ARSG: variants seen among roughly 807,000 people sequenced by gnomAD.
ARSG encodes ASG.
A neutral mutation model predicts 50.5 loss-of-function variants in ARSG; 37 were observed. The ratio of observed to expected loss-of-function variants is 0.73; its 90% CI spans 0.56 to 0.96. ARSG has a LOEUF of 0.96. Among genes scored for constraint, ARSG ranks in the 50% least tolerant of loss-of-function variants. The pLI is 0.00. For synonymous variants in ARSG, 225 were observed against 254.6 expected (o/e 0.88, Z 1.11); for missense variants, 629 against 675.3 (o/e 0.93, Z 0.76).
chr17:68,444,567 T>A, the ARSG span: 1 of 1,613,952 alleles, frequency 6.2e-7, no homozygotes, highest in Non-Finnish European at 8.5e-7. Flanking sequence ...ATAAATGGAC[T>A]CTTCTAGGCA....
intron 5 of ARSG, among the ~76,000 whole-genome samples, chr17:68,355,935 G>A (rs1727895572): frequency 6.6e-6 from 1 of 151,784 alleles, no homozygotes; most frequent in Non-Finnish European, 1.5e-5. Context: ...AGGGTAGAGT[G>A]CAGTGGGATG....
At chr17:68,339,246 C>T (rs750201159) in intron 2 of ARSG, among the ~76,000 whole-genome samples, 6 of 151,848 alleles carry the variant, frequency 4.0e-5, no homozygotes, top group Middle Eastern at 3.4e-3. Context: ...TGCAGTGAGC[C>T]GAGATCGCAC....
intron 2 of ARSG, among the ~76,000 whole-genome samples, chr17:68,325,532 T>C (rs1555772092): frequency 6.6e-6 from 1 of 152,142 alleles, no homozygotes; most frequent in Non-Finnish European, 1.5e-5. Flanking sequence ...ATGAAACTGG[T>C]CCCTGGTACC....
intron 1 of ARSG, among the ~76,000 whole-genome samples, chr17:68,272,293 A>G (rs1292046509): frequency 2.0e-5 from 3 of 152,228 alleles, no homozygotes; most frequent in African/African-American, 7.2e-5. Flanking sequence ...GTTTATTAGC[A>G]TAATCTAAAT....
At position 68,393,867 on chromosome 17, in the gene ARSG, CA is replaced by C. The variant is rs762829963; in HGVS notation, c.1092-1192del. ...TGGGCAACAGAACAAGACTCCATCT[CA>C]AAAAAAAAAAAAAGGGAAAGAAAAA... On this transcript the variant is annotated intron_variant, in intron 9 of 11. Coordinates refer to ENST00000621439, the MANE Select transcript of ARSG (RefSeq NM_001267727.2). Among the ~76,000 whole-genome samples the C allele has an allele frequency of 7.3e-3, 776 of 106,044 alleles. 16 individuals carry two copies. The highest frequency in any genetic ancestry group is 0.046 in the Admixed American group (491 of 10,624). 69.6% of individuals were successfully genotyped at this position (106,044 alleles called of 152,430 possible). A position where few individuals can be genotyped will look rare whatever the true frequency, so the allele number is the denominator to read the frequency against.
chr17:68,353,022 C>G (rs535997311), intron 5 of ARSG, among the ~76,000 whole-genome samples: 11 of 152,082 alleles, frequency 7.2e-5, no homozygotes, highest in Admixed American at 2.0e-4. Flanking sequence ...AGTCTCAGCT[C>G]GTCTATCTAT....
At chr17:68,420,119 C>T (rs1481361539) in intron 11 of ARSG, 70 bp from the exon 12 acceptor site, 23 of 1,538,440 alleles carry the variant, frequency 1.5e-5, no homozygotes, top group Non-Finnish European at 2.0e-5. Flanking sequence ...GAATCACTCG[C>T]AGCTCTCGTC....
chr17:68,435,469 G>A, the ARSG span: 7 of 747,878 alleles, frequency 9.4e-6, no homozygotes, highest in Non-Finnish European at 1.2e-5. Flanking sequence ...CACACATGCA[G>A]AGGCCAGAAA....
the ARSG span, among the ~76,000 whole-genome samples, chr17:68,444,994 C>T: frequency 6.8e-6 from 1 of 148,006 alleles, no homozygotes; most frequent in Non-Finnish European, 1.5e-5. Flanking sequence ...AATCTCAGCT[C>T]ACTGCAACCT....
At chr17:68,303,318 G>T (rs1599634679) in intron 1 of ARSG, among the ~76,000 whole-genome samples, 3 of 152,136 alleles carry the variant, frequency 2.0e-5, no homozygotes, top group Admixed American at 2.0e-4. Flanking sequence ...TAGAGATCAG[G>T]TCTCGCCATC....
intron 2 of ARSG, among the ~76,000 whole-genome samples, chr17:68,334,464 A>G (rs1391176510): frequency 2.0e-5 from 3 of 152,140 alleles, no homozygotes; most frequent in Non-Finnish European, 2.9e-5. Context: ...TTATCTTATG[A>G]GAGACACAGA....
Position 68,271,693 on chromosome 17 carries a change from C to A in ARSG, c.-552+12267C>A. 2 of 1,523,590 alleles carry A rather than the reference C, an allele frequency of 1.3e-6. No individual in the cohort carries two copies. The highest frequency in any genetic ancestry group is 2.3e-5 in the South Asian group (2 of 85,194). 94.4% of individuals were successfully genotyped at this position (1,523,590 alleles called of 1,614,324 possible). On this transcript the variant is annotated intron_variant, in intron 1 of 11. Transcript: ENST00000448504. The surrounding 1 kb of genome is among the most constrained non-coding windows in gnomAD (Gnocchi z 5.3). ...GAGTGAAGAAGAAATAATATAAGGT[C>A]AATAATGGACTCAAGACCCAGGAGA...
chr17:68,426,148 C>T (rs750565634), downstream of ARSG: 27 of 1,612,058 alleles, frequency 1.7e-5, no homozygotes, highest in South Asian at 3.3e-5. Flanking sequence ...AACTTCTCCT[C>T]GCAGCGCCCC....
At chr17:68,347,047 G>A (rs1568497894) in intron 3 of ARSG, 78 bp from the exon 4 acceptor site, 6 of 1,564,912 alleles carry the variant, frequency 3.8e-6, no homozygotes, top group Non-Finnish European at 5.3e-6. Context: ...GGAGAGCTGA[G>A]TGTGTGATCA....
chr17:68,336,019 C>T (rs1204286761), intron 2 of ARSG, among the ~76,000 whole-genome samples: 1 of 152,114 alleles, frequency 6.6e-6, no homozygotes, highest in Non-Finnish European at 1.5e-5. Flanking sequence ...CTGCCTCAGC[C>T]TCCCAAGTAG....
At chr17:68,388,815 T>C (rs892931976) in intron 9 of ARSG, among the ~76,000 whole-genome samples, 1 of 151,214 alleles carries the variant, frequency 6.6e-6, no homozygotes, top group African/African-American at 2.4e-5. Flanking sequence ...ATCCCAGCTA[T>C]TCAGGAGCCT....
chr17:68,419,085 T>C (rs2082583860), intron 11 of ARSG, among the ~76,000 whole-genome samples: 3 of 152,120 alleles, frequency 2.0e-5, no homozygotes, highest in African/African-American at 7.2e-5. Context: ...CCAAACATTT[T>C]TGTCCTTCCT....
chr17:68,446,002 C>T, the ARSG span, among the ~76,000 whole-genome samples: 1 of 152,120 alleles, frequency 6.6e-6, no homozygotes, highest in African/African-American at 2.4e-5. Context: ...TCAGCCAGCT[C>T]CTTTTATTCC....
chr17:68,279,791 CAT>C (rs1285025526), intron 1 of ARSG, among the ~76,000 whole-genome samples: 2 of 152,154 alleles, frequency 1.3e-5, no homozygotes, highest in Admixed American at 6.6e-5. Context: ...TTGAAACAGT[CAT>C]GTGTATTTTT....
Sources: allele counts gnomAD v4.1 joint callset (sites outside exome capture counted in the v4.1 genomes callset), GRCh38; gene constraint gnomAD v4.1.1; non-coding constraint Gnocchi (gnomAD v3.1); transcripts MANE v1.5; gene names NCBI Gene and HGNC (gene_info 2026-07-23, HGNC 2026-07-21).